TOX: variants seen among roughly 807,000 people sequenced by gnomAD.
The protein encoded by TOX is thymocyte selection-associated high mobility group box protein TOX.
A neutral mutation model predicts 53.7 loss-of-function variants in TOX; 11 were observed. The ratio of observed to expected loss-of-function variants is 0.20; its 90% CI spans 0.13 to 0.34. The LOEUF (loss-of-function observed/expected upper bound fraction) is 0.34. Among genes scored for constraint, TOX ranks in the 10% least tolerant of loss-of-function variants. The pLI, the probability that TOX is intolerant of heterozygous loss-of-function variation, is 1.00. For missense variants in TOX, 570 were observed against 664.6 expected (o/e 0.86, Z 1.56); for synonymous variants, 225 against 245.3 (o/e 0.92, Z 0.77).
At chr8:59,098,140 C>T (rs866473668) in intron 1 of TOX, among the ~76,000 whole-genome samples, 4 of 152,096 alleles carry the variant, frequency 2.6e-5, no homozygotes, top group African/African-American at 9.7e-5. Context: ...AAAAGGTGGC[C>T]TCACAGGTAC....
chr8:58,852,763 C>T (rs1408329355), intron 3 of TOX, among the ~76,000 whole-genome samples: 1 of 151,362 alleles, frequency 6.6e-6, no homozygotes, highest in Admixed American at 6.6e-5. Context: ...AGAGGGCACA[C>T]AAAACAAGAG....
chr8:59,102,460 T>C (rs1419037676), intron 1 of TOX, among the ~76,000 whole-genome samples: 1 of 152,136 alleles, frequency 6.6e-6, no homozygotes, highest in East Asian at 1.9e-4. Context: ...GCTCCTGACC[T>C]CAGGTGATCC....
At chr8:58,840,509 A>C (rs1339662513) in intron 4 of TOX, among the ~76,000 whole-genome samples, 2 of 152,198 alleles carry the variant, frequency 1.3e-5, no homozygotes, top group Admixed American at 6.5e-5. Flanking sequence ...TGCACATTAG[A>C]GTCACCTGGT....
rs1453139633 is a variant in TOX, at chr8:59,107,046, T to TGGCG, written c.102+11839_102+11840insCGCC. ...ACAATGATCTTATAAAGCAGTTTGCTGGGGGGGGGGGGAACGTGACATTTC... is the reference window on the plus strand; with the variant it reads ...ACAATGATCTTATAAAGCAGTTTGCTGGCGGGGGGGGGGGGGAACGTGACATTTC... On this transcript the variant is annotated intron_variant, in intron 1 of 8. Coordinates refer to ENST00000361421, the MANE Select transcript of TOX (RefSeq NM_014729.3). Among the ~76,000 whole-genome samples the TGGCG allele has an allele frequency of 1.0e-4, 6 of 58,206 alleles. No individual in the cohort carries two copies. In the Admixed American group the frequency reaches 1.2e-3, roughly 11 times the overall value. 38.2% of individuals were successfully genotyped at this position (58,206 alleles called of 152,430 possible).
At chr8:58,821,060 C>T (rs1307240800) in intron 6 of TOX, among the ~76,000 whole-genome samples, 1 of 152,146 alleles carries the variant, frequency 6.6e-6, no homozygotes, top group African/African-American at 2.4e-5. Context: ...TCCATAATAG[C>T]ATATATCCTT....
intron 1 of TOX, among the ~76,000 whole-genome samples, chr8:59,055,094 T>C (rs548249906): frequency 1.3e-5 from 2 of 152,302 alleles, no homozygotes; most frequent in Non-Finnish European, 2.9e-5. Context: ...TTTCTGGGAC[T>C]ACTCTATGTG....
At position 59,119,035 on chromosome 8, in the gene TOX, A is replaced by T; in HGVS notation, c.-48T>A. ...CCTTTTCTTTTTCCTTTTTTAAAAA[A>T]AAGTGTTCAGCAAAACAAGCTTAGA... On this transcript the variant is annotated 5_prime_UTR_variant, in exon 1 of 9. Coordinates refer to ENST00000361421, the MANE Select transcript of TOX (RefSeq NM_014729.3). 2.1e-6 allele frequency: 3 copies of T among 1,408,300 alleles called. No individual in the cohort carries two copies. Among genetic ancestry groups the T allele is most frequent in the South Asian group, 1.2e-5 (1 of 84,234 alleles). 87.2% of individuals were successfully genotyped at this position (1,408,300 alleles called of 1,614,324 possible). A position where few individuals can be genotyped will look rare whatever the true frequency, so the allele number is the denominator to read the frequency against.
At chr8:58,929,839 A>G (rs1241379806) in intron 3 of TOX, among the ~76,000 whole-genome samples, 1 of 152,168 alleles carries the variant, frequency 6.6e-6, no homozygotes, top group African/African-American at 2.4e-5. Context: ...TTCTGCCCCA[A>G]GACTTTGGAA....
At chr8:58,900,730 G>T (rs1353536070) in intron 3 of TOX, among the ~76,000 whole-genome samples, 1 of 152,036 alleles carries the variant, frequency 6.6e-6, no homozygotes, top group Admixed American at 6.6e-5. Context: ...TGCAAATAAA[G>T]AAAGTCTAGG....
chr8:58,952,809 T>TA (rs1226076366), intron 2 of TOX, among the ~76,000 whole-genome samples: 2 of 152,094 alleles, frequency 1.3e-5, no homozygotes, highest in Non-Finnish European at 2.9e-5. Context: ...CAGAAACAAA[T>TA]AAAAAATGAA....
intron 1 of TOX, among the ~76,000 whole-genome samples, chr8:59,055,997 A>T (rs1301501992): frequency 6.6e-6 from 1 of 152,244 alleles, no homozygotes; most frequent in Non-Finnish European, 1.5e-5. Context: ...ACTGCAAAGT[A>T]ACATTATGAG....
intron 3 of TOX, among the ~76,000 whole-genome samples, chr8:58,893,697 C>T (rs1451471504): frequency 6.6e-6 from 1 of 152,164 alleles, no homozygotes; most frequent in East Asian, 1.9e-4. Flanking sequence ...AAATACCAAA[C>T]AAAGTGTTTC....
At chr8:59,108,078 T>C (rs763908528) in intron 1 of TOX, among the ~76,000 whole-genome samples, 2 of 152,228 alleles carry the variant, frequency 1.3e-5, no homozygotes, top group Admixed American at 6.5e-5. Flanking sequence ...AATGTCATTC[T>C]AGTTCACATC....
chr8:59,085,526 C>A (rs548151174), intron 1 of TOX, among the ~76,000 whole-genome samples: 1 of 152,174 alleles, frequency 6.6e-6, no homozygotes, highest in Admixed American at 6.5e-5. Context: ...GTAGCTGGGA[C>A]CACAGGCATG....
intron 1 of TOX, among the ~76,000 whole-genome samples, chr8:59,029,031 T>C (rs1814299858): frequency 6.6e-6 from 1 of 152,152 alleles, no homozygotes; most frequent in African/African-American, 2.4e-5. Flanking sequence ...TAATTGCTCG[T>C]TTTGGGACAG....
At chr8:58,971,385 C>T (rs147779232) in intron 1 of TOX, among the ~76,000 whole-genome samples, 2,079 of 152,254 alleles carry the variant, frequency 0.014, 24 homozygotes, top group Non-Finnish European at 0.019. Flanking sequence ...ATAAGGAGAC[C>T]CAGAGAAGAG....
At chr8:58,891,147 G>A (rs766133230) in intron 3 of TOX, among the ~76,000 whole-genome samples, 2 of 152,066 alleles carry the variant, frequency 1.3e-5, no homozygotes, top group Non-Finnish European at 2.9e-5. Flanking sequence ...GAGCAAATAC[G>A]TGAGACACTA....
intron 1 of TOX, among the ~76,000 whole-genome samples, chr8:59,089,729 C>A (rs77670314): frequency 6.6e-6 from 1 of 152,222 alleles, no homozygotes; most frequent in Non-Finnish European, 1.5e-5. Context: ...GCTGGGATCA[C>A]AGGCATGCAT....
chr8:59,085,979 C>CTTTTTTTTTTTTTTTTTTTTTTTT (rs35593177), intron 1 of TOX, among the ~76,000 whole-genome samples: 1 of 88,822 alleles, frequency 1.1e-5, no homozygotes, highest in Non-Finnish European at 2.2e-5. Flanking sequence ...CTTTTCTTTT[C>CTTTTTTTTTTTTTTTTTTTTTTTT]TTTTTTTTTT....
Sources: gnomAD v4.1 joint callset for allele counts (sites outside exome capture counted in the v4.1 genomes callset) on GRCh38, gnomAD v4.1.1 for gene constraint, MANE v1.5 for transcripts, NCBI Gene and HGNC (gene_info 2026-07-23, HGNC 2026-07-21) for gene names.